The following TRANK1 variants were observed in gnomAD, a reference collection of about 807,000 sequenced individuals.
TRANK1 encodes TPR and ankyrin repeat-containing protein 1.
A neutral mutation model predicts 266.0 loss-of-function variants in TRANK1; 198 were observed. The ratio of observed to expected loss-of-function variants is 0.74; its 90% CI spans 0.66 to 0.84. TRANK1 has a LOEUF of 0.84. TRANK1 is among the 40% of genes least tolerant of loss of function. The pLI is 0.00. For missense variants in TRANK1, 3,326 were observed against 3,634.6 expected, an observed-to-expected ratio of 0.92 and a Z score of 2.18; for synonymous variants, 1,396 against 1,384.1, an observed-to-expected ratio of 1.01 and a Z score of -0.19.
At chr3:36,844,399 G>A (rs2078888038) in intron 17 of TRANK1, among the ~76,000 whole-genome samples, 1 of 152,066 alleles carries the variant, frequency 6.6e-6, no homozygotes, top group African/African-American at 2.4e-5. Context: ...GCTAATTTTT[G>A]TATTTTTAGT....
At position 36,831,339 on chromosome 3, in the gene TRANK1, C is replaced by T. The variant is rs1299634938; in HGVS notation, c.8244G>A (p.Arg2748=). 6.2e-7 allele frequency: 1 copy of T among 1,613,620 alleles called. No homozygotes were observed. Among genetic ancestry groups the T allele is most frequent in the South Asian group, 1.1e-5 (1 of 91,024 alleles). Reference sequence around the variant, plus strand: ...CAGCCCTGGGCTCCCTGGCCTCCTCCCTGACACGCTCCATCTGGGTGCCCA... The same window carrying T: ...CAGCCCTGGGCTCCCTGGCCTCCTCTCTGACACGCTCCATCTGGGTGCCCA... The part of the protein sequence containing the change: ...RRVGTQMERV[R]EEAREPRAGN... Residue 2748 remains arginine, a synonymous_variant, in exon 22 of 24, where the codon AGG becomes AGA. Coordinates refer to ENST00000645898, the MANE Select transcript of TRANK1 (RefSeq NM_001329998.2). The surrounding 1 kb of genome is among the most constrained non-coding windows in gnomAD (Gnocchi z 5.0).
chr3:36,899,600 A>G (rs1461521041), intron 3 of TRANK1, among the ~76,000 whole-genome samples: 2 of 152,222 alleles, frequency 1.3e-5, no homozygotes, highest in African/African-American at 2.4e-5. Flanking sequence ...TAGAGGCTAC[A>G]GTGAGTTACA....
In TRANK1 at chr3:36,934,670, C is replaced by T. The variant is rs550370889; in HGVS notation, c.23+10117G>A. Among the ~76,000 whole-genome samples, 4 of 152,320 alleles carry T rather than the reference C, an allele frequency of 2.6e-5. No individual in the cohort carries two copies. In the East Asian group the frequency reaches 5.8e-4, roughly 22 times the overall value. On this transcript the variant is annotated intron_variant, in intron 1 of 23. Coordinates refer to ENST00000645898, the MANE Select transcript of TRANK1 (RefSeq NM_001329998.2). The stretch of plus-strand genomic sequence containing the variant: ...GTGAAACATTCATTCCAGGTGGCCA[C>T]AAGTTCACGCCCCAGATGAATCCTA...
chr3:36,934,563 G>T lies in TRANK1; in HGVS notation c.23+10224C>A, dbSNP rs78540251. On this transcript the variant is annotated intron_variant, in intron 1 of 23. Transcript: ENST00000645898. ...TAGACAAGGGTCTATAATACCAGGG[G>T]TGTCCTACCCTCACCCCGCCCTGGG... is the stretch of plus-strand genomic sequence containing the variant. Among the ~76,000 whole-genome samples the T allele has an allele frequency of 2.0e-5, 3 of 152,144 alleles. No homozygotes were observed. The South Asian group carries it at 6.2e-4, about 32-fold the overall frequency.
In TRANK1 at chr3:36,832,144, T is replaced by C. The variant is rs761079075; in HGVS notation, c.7439A>G (p.Lys2480Arg). The C allele has an allele frequency of 8.1e-6, 13 of 1,613,804 alleles. No individual in the cohort carries two copies. Among genetic ancestry groups the C allele is most frequent in the Middle Eastern group, 1.6e-4 (1 of 6,084 alleles). The change falls in exon 22 of 24, where the codon AAG (lysine) becomes AGG (arginine). Residue 2480 changes from lysine (K) to arginine (R), a missense_variant. By Grantham distance (26) the Lys-to-Arg change is conservative (BLOSUM62 2). Transcript: ENST00000645898. The part of the protein sequence containing the change: ...LWKNVILCLP[K>R]SYIALLHYWE... Reference sequence around the variant, plus strand: ...GTAGTGCAAGAGTGCAATGTAGCTCTTGGGGAGGCATAGAATGACATTCTT... The same window carrying C: ...GTAGTGCAAGAGTGCAATGTAGCTCCTGGGGAGGCATAGAATGACATTCTT...
chr3:36,899,768 A>C (rs529391379), intron 3 of TRANK1, among the ~76,000 whole-genome samples: 1 of 152,366 alleles, frequency 6.6e-6, no homozygotes, highest in East Asian at 1.9e-4. Context: ...AATCACTTTC[A>C]AATCCATGAC....
chr3:36,828,411 A>AG, intron 23 of TRANK1, 36 bp from the exon 24 acceptor site: 1 of 901,168 alleles, frequency 1.1e-6, no homozygotes. Context: ...GAAGGAAGGA[A>AG]AGAAGGGAGG....
At position 36,880,035 on chromosome 3, in the gene TRANK1, TGCAA is replaced by T. The variant is rs2079498892; in HGVS notation, c.908-5743_908-5740del. The T allele has an allele frequency of 5.5e-5, 4 of 72,380 alleles. 1 individual carries two copies. In the South Asian group the frequency reaches 1.1e-3, roughly 21 times the overall value. The allele number at this position is 72,380 out of a possible 1,614,324, so 4.5% of individuals were successfully genotyped here. ...GTAAACATGCAAATATATGTAAACATGCAAATATATGTAAACATACAAATATATG... is the reference window on the plus strand; with the variant it reads ...GTAAACATGCAAATATATGTAAACATATATATGTAAACATACAAATATATG... On this transcript the variant is annotated intron_variant, in intron 8 of 23. Coordinates refer to ENST00000645898, the MANE Select transcript of TRANK1 (RefSeq NM_001329998.2).
chr3:36,849,983 C>T (rs529942042), intron 15 of TRANK1: 26 of 982,292 alleles, frequency 2.6e-5, no homozygotes, highest in Non-Finnish European at 3.0e-5. Context: ...GGTCAAGATA[C>T]CTGAGCCTTG....
intron 1 of TRANK1, among the ~76,000 whole-genome samples, chr3:36,925,649 GGT>G (rs1253843640): frequency 6.7e-6 from 1 of 150,250 alleles, no homozygotes. Context: ...GGAGTGCAGT[GGT>G]GCAATCTCCG....
intron 8 of TRANK1, among the ~76,000 whole-genome samples, chr3:36,885,531 T>C (rs2125595874): frequency 1.3e-5 from 2 of 152,266 alleles, no homozygotes; most frequent in East Asian, 3.9e-4. Context: ...GAAACTCATA[T>C]GAGGTCTGTA....
At chr3:36,871,733 A>G (rs1261913616) in intron 9 of TRANK1, among the ~76,000 whole-genome samples, 3 of 152,256 alleles carry the variant, frequency 2.0e-5, no homozygotes, top group Non-Finnish European at 4.4e-5. Flanking sequence ...ACAGTCTCAT[A>G]GAAATGACAT....
At chr3:36,861,356 C>T (rs965182849) in intron 10 of TRANK1, among the ~76,000 whole-genome samples, 196 bp from the exon 11 acceptor site, 1 of 151,986 alleles carries the variant, frequency 6.6e-6, no homozygotes, top group African/African-American at 2.4e-5. Context: ...TCAGAAATAC[C>T]CTATGAAGAG....
chr3:36,893,295 A>C (rs1313091550), intron 5 of TRANK1, among the ~76,000 whole-genome samples: 1 of 149,912 alleles, frequency 6.7e-6, no homozygotes. Context: ...AAAAAAAAAG[A>C]GTAATTCCCT....
intron 3 of TRANK1, among the ~76,000 whole-genome samples, chr3:36,900,866 A>AAAAAAAAAAAG (rs2079868035): frequency 1.3e-5 from 2 of 148,206 alleles, no homozygotes; most frequent in Non-Finnish European, 3.0e-5. Flanking sequence ...AAAAAAAAAA[A>AAAAAAAAAAAG]AAAAAAAAAA....
At chr3:36,837,526 T>C (rs1007041520) in intron 20 of TRANK1, among the ~76,000 whole-genome samples, 1 of 152,138 alleles carries the variant, frequency 6.6e-6, no homozygotes, top group African/African-American at 2.4e-5. Flanking sequence ...TAGGGGAAAA[T>C]GCAATGGCCC....
At chr3:36,918,915 G>A (rs568270709) in intron 1 of TRANK1, among the ~76,000 whole-genome samples, 6 of 152,228 alleles carry the variant, frequency 3.9e-5, no homozygotes, top group African/African-American at 7.2e-5. Context: ...CCCTGGCCCC[G>A]CTGACAAGAT....
chr3:36,892,994 G>A lies in TRANK1; in HGVS notation c.553-10C>T. The A allele has an allele frequency of 6.8e-7, 1 of 1,477,174 alleles. No individual in the cohort carries two copies. The allele number at this position is 1,477,174 out of a possible 1,614,324, so 91.5% of individuals were successfully genotyped here. Reference sequence around the variant, plus strand: ...ACAGAAGCAGAAATGACTGGTGGGAGAAGACAGAAAAGGCTGGAATAATAA... The same window carrying A: ...ACAGAAGCAGAAATGACTGGTGGGAAAAGACAGAAAAGGCTGGAATAATAA... On this transcript the variant is annotated splice_polypyrimidine_tract_variant and intron_variant, in intron 5 of 23. Coordinates refer to ENST00000645898, the MANE Select transcript of TRANK1 (RefSeq NM_001329998.2).
chr3:36,921,732 T>C (rs555696321), intron 1 of TRANK1, among the ~76,000 whole-genome samples: 1 of 152,338 alleles, frequency 6.6e-6, no homozygotes, highest in East Asian at 1.9e-4. Context: ...TGTGGCTCTA[T>C]AATGGTAGGT....
Sources: allele counts gnomAD v4.1 joint callset (sites outside exome capture counted in the v4.1 genomes callset), GRCh38; gene constraint gnomAD v4.1.1; non-coding constraint Gnocchi (gnomAD v3.1); transcripts MANE v1.5; gene names NCBI Gene and HGNC (gene_info 2026-07-23, HGNC 2026-07-21).